PRKX: variants seen among roughly 807,000 people sequenced by gnomAD.
PRKX encodes cAMP-dependent protein kinase catalytic subunit PRKX.
A neutral mutation model predicts 22.0 loss-of-function variants in PRKX; 12 were observed. The ratio of observed to expected loss-of-function variants is 0.54; its 90% CI spans 0.35 to 0.88. The LOEUF is 0.88. Ranked by LOEUF, PRKX falls within the 40% of genes least tolerant of loss-of-function variation. The probability of loss-of-function intolerance (pLI) is 0.01; values close to 1 mark genes in which losing one functional copy is unlikely to be tolerated. For missense variants in PRKX, 217 were observed against 308.0 expected, an observed-to-expected ratio of 0.70 and a Z score of 2.21; for synonymous variants, 134 against 137.7, an observed-to-expected ratio of 0.97 and a Z score of 0.19.
intron 5 of PRKX, 80 bp from the exon 6 acceptor site, chrX:3,621,396 G>C: frequency 1.1e-6 from 1 of 888,425 alleles, no homozygotes; most frequent in Non-Finnish European, 1.6e-6. Flanking sequence ...TGGCAACAGA[G>C]ATAAGATCTA....
chrX:3,640,429 C>T (rs766809543), intron 4 of PRKX, among the ~76,000 whole-genome samples: 6 of 112,220 alleles, frequency 5.3e-5, no homozygotes, highest in Admixed American at 4.7e-4. Flanking sequence ...GCACTAACAA[C>T]GGAACGAGGA....
chrX:3,664,732 A>G (rs941466710), intron 2 of PRKX, among the ~76,000 whole-genome samples: 2 of 112,479 alleles, frequency 1.8e-5, no homozygotes, highest in East Asian at 2.8e-4. Context: ...AATACCGCAT[A>G]GTCTCACTCA....
At chrX:3,675,771 ACGC>A (rs1242318635) in intron 1 of PRKX, among the ~76,000 whole-genome samples, 1 of 111,073 alleles carries the variant, frequency 9.0e-6, no homozygotes, top group African/African-American at 3.3e-5. Flanking sequence ...GCACGTGTTC[ACGC>A]ACATATTGAA....
At chrX:3,668,946 A>G (rs1388636231) in intron 2 of PRKX, among the ~76,000 whole-genome samples, 1 of 112,781 alleles carries the variant, frequency 8.9e-6, no homozygotes, top group Non-Finnish European at 1.9e-5. Context: ...GTCTGGAGAC[A>G]TCTTTGGCTG....
At chrX:3,664,410 G>C (rs1286429804) in intron 2 of PRKX, among the ~76,000 whole-genome samples, 4 of 110,903 alleles carry the variant, frequency 3.6e-5, no homozygotes, top group Non-Finnish European at 7.6e-5. Flanking sequence ...CTATTTCTTC[G>C]AGCTTTTTGT....
Position 3,607,462 on chromosome X carries a change from GGTGA to G in PRKX, c.*1503_*1506del, listed in dbSNP as rs1926201569. The G allele has an allele frequency of 1.8e-5, 2 of 111,532 alleles. No individual in the cohort carries two copies. Among genetic ancestry groups the G allele is most frequent in the Admixed American group, 1.9e-4 (2 of 10,449 alleles). 9.2% of individuals were successfully genotyped at this position (111,532 alleles called of 1,213,427 possible). ...CCTCAACTGTTAATCCCAACAGGAT[GGTGA>G]GTGAGAAGCACAGGCTGAAAATAGA... On this transcript the variant is annotated 3_prime_UTR_variant, in exon 9 of 9. Transcript: ENST00000262848.
chrX:3,706,794 G>A (rs1334343299), intron 1 of PRKX, among the ~76,000 whole-genome samples: 3 of 111,895 alleles, frequency 2.7e-5, no homozygotes, highest in East Asian at 5.6e-4. Context: ...AACCCATTGG[G>A]CACACAGCAT....
intron 1 of PRKX, among the ~76,000 whole-genome samples, chrX:3,703,462 T>C (rs1220711106): frequency 9.1e-6 from 1 of 110,444 alleles, no homozygotes; most frequent in African/African-American, 3.3e-5. Context: ...GTGGTCTCCT[T>C]AGACCACAGG....
At chrX:3,680,384 T>C (rs1181200223) in intron 1 of PRKX, among the ~76,000 whole-genome samples, 1 of 110,700 alleles carries the variant, frequency 9.0e-6, no homozygotes. Context: ...CCTCAAGTGA[T>C]CCACCCACCT....
intron 4 of PRKX, among the ~76,000 whole-genome samples, chrX:3,634,634 G>A (rs1291463944): frequency 2.7e-5 from 3 of 111,716 alleles, no homozygotes; most frequent in Non-Finnish European, 1.9e-5. Context: ...CAGCCCTTGT[G>A]AAAGCTGGAC....
chrX:3,673,090 G>C (rs1927880041), intron 2 of PRKX, among the ~76,000 whole-genome samples: 2 of 111,681 alleles, frequency 1.8e-5, no homozygotes, highest in South Asian at 7.6e-4. Flanking sequence ...GGCAGCATTG[G>C]GTCTAGAGGA....
intron 8 of PRKX, among the ~76,000 whole-genome samples, chrX:3,611,538 T>C (rs1303163212): frequency 1.8e-5 from 2 of 111,592 alleles, no homozygotes; most frequent in African/African-American, 6.5e-5. Flanking sequence ...ACTTAAAAAC[T>C]AATAATAGAT....
chrX:3,677,942 T>C (rs1214049303), intron 1 of PRKX, among the ~76,000 whole-genome samples: 1 of 112,395 alleles, frequency 8.9e-6, no homozygotes, highest in African/African-American at 3.2e-5. Context: ...TATATTCTCT[T>C]AGTTAATTTG....
rs1014244772 is a variant in PRKX at position 3,608,626 on chromosome X, T to C, written c.*343A>G. On this transcript the variant is annotated 3_prime_UTR_variant, in exon 9 of 9. Coordinates refer to ENST00000262848, the MANE Select transcript of PRKX (RefSeq NM_005044.5). ...ACACACACACACACACACACACAAT[T>C]TGTGGTTATAATCGAACAAGTCCAG... 2.1e-5 allele frequency: 2 copies of C among 96,643 alleles called. No individual in the cohort carries two copies. The highest frequency in any genetic ancestry group is 7.7e-5 in the African/African-American group (2 of 26,027). The allele number at this position is 96,643 out of a possible 1,213,427, so 8.0% of individuals were successfully genotyped here.
At chrX:3,617,013 T>C (rs779866644) in intron 6 of PRKX, among the ~76,000 whole-genome samples, 2 of 110,918 alleles carry the variant, frequency 1.8e-5, no homozygotes, top group African/African-American at 6.6e-5. Flanking sequence ...TATACACACA[T>C]AGATTGATAT....
intron 3 of PRKX, among the ~76,000 whole-genome samples, chrX:3,654,945 C>T (rs1396107464): frequency 9.0e-6 from 1 of 111,216 alleles, no homozygotes; most frequent in East Asian, 2.8e-4. Flanking sequence ...GACTTCCTGC[C>T]CACTGGCTCT....
chrX:3,705,156 T>C (rs201761195), intron 1 of PRKX, among the ~76,000 whole-genome samples: 10 of 111,601 alleles, frequency 9.0e-5, no homozygotes, highest in East Asian at 8.5e-4. Context: ...CTGTCAGTCC[T>C]GGAGGCTACA....
chrX:3,637,579 AC>A (rs1252845033), intron 4 of PRKX, among the ~76,000 whole-genome samples: 3 of 111,218 alleles, frequency 2.7e-5, no homozygotes, highest in African/African-American at 9.8e-5. Context: ...GTGAAGAGAC[AC>A]AGGGCTGCTG....
chrX:3,708,099 G>A (rs1338199307), intron 1 of PRKX, among the ~76,000 whole-genome samples: 1 of 111,436 alleles, frequency 9.0e-6, no homozygotes, highest in Non-Finnish European at 1.9e-5. Context: ...CAGGAGGTGA[G>A]GCCCTAGGGA....
Sources: gnomAD v4.1 joint callset for allele counts (sites outside exome capture counted in the v4.1 genomes callset) on GRCh38, gnomAD v4.1.1 for gene constraint, MANE v1.5 for transcripts, NCBI Gene and HGNC (gene_info 2026-07-23, HGNC 2026-07-21) for gene names.